Variants in CALN1 observed in about 807,000 individuals in gnomAD.
The protein encoded by CALN1 is calneuron 1.
Under a neutral mutation model 30.6 loss-of-function variants are expected in CALN1, and 17 were observed. The ratio of observed to expected loss-of-function variants is 0.56; its 90% CI spans 0.38 to 0.83. The LOEUF is 0.83. Among genes scored for constraint, CALN1 ranks in the 40% least tolerant of loss-of-function variants. CALN1 has a pLI of 0.00. For missense variants in CALN1, 291 were observed against 354.9 expected (o/e 0.82, Z 1.45); for synonymous variants, 156 against 131.4 (o/e 1.19, Z -1.28).
chr7:71,800,341 G>A (rs1787228584), intron 6 of CALN1, among the ~76,000 whole-genome samples: 1 of 152,128 alleles, frequency 6.6e-6, no homozygotes. Flanking sequence ...TTCCCCAGGG[G>A]GCTTCCTGGG....
In CALN1 at chr7:72,122,745, C is replaced by T. The variant is rs75878743; in HGVS notation, c.245-16451G>A. The stretch of plus-strand genomic sequence containing the variant: ...TGCCTCTAAGAAACAAGCAAACAAA[C>T]AAAGCTAAGTTTATCTTCGGATCAT... On this transcript the variant is annotated intron_variant, in intron 3 of 6. Transcript: ENST00000395275. Among the ~76,000 whole-genome samples the T allele has an allele frequency of 7.6e-3, 1,152 of 152,208 alleles. 12 individuals carry two copies. Among genetic ancestry groups the T allele is most frequent in the African/African-American group, 0.027 (1,124 of 41,516 alleles).
At chr7:72,090,700 G>C (rs1321654950) in intron 4 of CALN1, among the ~76,000 whole-genome samples, 1 of 152,156 alleles carries the variant, frequency 6.6e-6, no homozygotes, top group African/African-American at 2.4e-5. Context: ...TGGATGAATG[G>C]ATTTTTTAAA....
Position 71,860,092 on chromosome 7 carries a change from A to G in CALN1, c.502-49600T>C, listed in dbSNP as rs185374630. On this transcript the variant is annotated intron_variant, in intron 5 of 6. Transcript: ENST00000395275. ...CTTGTAGTAGAGCATATCTCCCAGG[A>G]TATTTTTGCTACCCTGTATAAACAA... Among the ~76,000 whole-genome samples, 1,173 of 152,090 alleles carry G rather than the reference A, an allele frequency of 7.7e-3. 11 individuals carry two copies. Among genetic ancestry groups the G allele is most frequent in the Non-Finnish European group, 0.013 (877 of 67,996 alleles).
chr7:72,256,939 G>A (rs1220070547), intron 3 of CALN1, among the ~76,000 whole-genome samples: 1 of 152,140 alleles, frequency 6.6e-6, no homozygotes, highest in Non-Finnish European at 1.5e-5. Context: ...CTCCTCCCAG[G>A]AGGTGGGTGA....
At chr7:72,189,129 A>G (rs895182832) in intron 3 of CALN1, among the ~76,000 whole-genome samples, 7 of 152,214 alleles carry the variant, frequency 4.6e-5, no homozygotes, top group African/African-American at 7.2e-5. Flanking sequence ...CCAGGTTAAA[A>G]ACATACGTGA....
At chr7:72,248,196 C>T (rs539675228) in intron 3 of CALN1, among the ~76,000 whole-genome samples, 1 of 152,302 alleles carries the variant, frequency 6.6e-6, no homozygotes, top group African/African-American at 2.4e-5. Context: ...CTCACTGCAA[C>T]TTCCACCTCA....
At chr7:71,900,050 A>G (rs775579598) in intron 5 of CALN1, among the ~76,000 whole-genome samples, 44 of 152,204 alleles carry the variant, frequency 2.9e-4, no homozygotes, top group Non-Finnish European at 5.6e-4. Context: ...TCTACTTTAA[A>G]TTTTTTAAAC....
At chr7:72,021,678 G>A (rs1470506579) in intron 5 of CALN1, among the ~76,000 whole-genome samples, 1 of 152,070 alleles carries the variant, frequency 6.6e-6, no homozygotes, top group Non-Finnish European at 1.5e-5. Context: ...ATGTCCTCTG[G>A]GACCAGGTCC....
At chr7:72,055,123 TAATCCTCACA>T (rs1176001626) in intron 4 of CALN1, among the ~76,000 whole-genome samples, 1 of 152,210 alleles carries the variant, frequency 6.6e-6, no homozygotes, top group Non-Finnish European at 1.5e-5. Flanking sequence ...TTAACTCATT[TAATCCTCACA>T]CCACACTAAC....
At chr7:72,021,003 G>C (rs1260143972) in intron 5 of CALN1, among the ~76,000 whole-genome samples, 1 of 152,158 alleles carries the variant, frequency 6.6e-6, no homozygotes, top group Non-Finnish European at 1.5e-5. Context: ...AGGTGCCATG[G>C]CTCACTCCTG....
At chr7:72,147,283 C>T (rs929415440) in intron 3 of CALN1, among the ~76,000 whole-genome samples, 3 of 151,846 alleles carry the variant, frequency 2.0e-5, no homozygotes, top group Non-Finnish European at 4.4e-5. Flanking sequence ...AAAAACACAA[C>T]CCCATCAACA....
intron 5 of CALN1, among the ~76,000 whole-genome samples, chr7:71,923,339 A>G (rs1237288366): frequency 1.3e-5 from 2 of 152,208 alleles, no homozygotes; most frequent in African/African-American, 4.8e-5. Flanking sequence ...AAAAACACAG[A>G]TATAATCAAC....
chr7:71,905,404 T>C (rs6958157), intron 5 of CALN1, among the ~76,000 whole-genome samples: 2 of 149,888 alleles, frequency 1.3e-5, no homozygotes, highest in African/African-American at 4.9e-5. Flanking sequence ...TTTATCTCTA[T>C]CCCCCCTCCT....
At chr7:72,267,674 T>C (rs913047532) in intron 3 of CALN1, among the ~76,000 whole-genome samples, 6 of 152,240 alleles carry the variant, frequency 3.9e-5, no homozygotes, top group Non-Finnish European at 8.8e-5. Flanking sequence ...CAAGGTTATT[T>C]AACTTCTGGA....
intron 5 of CALN1, among the ~76,000 whole-genome samples, chr7:72,004,206 C>G (rs936613804): frequency 6.6e-6 from 1 of 152,108 alleles, no homozygotes; most frequent in African/African-American, 2.4e-5. Context: ...TGAAACAGAA[C>G]AGAGAACCCA....
chr7:72,075,451 C>G (rs1412817277), intron 4 of CALN1, among the ~76,000 whole-genome samples: 1 of 152,206 alleles, frequency 6.6e-6, no homozygotes, highest in East Asian at 1.9e-4. Flanking sequence ...AACAAAGTCT[C>G]TATCTTTAGA....
At chr7:72,460,978 C>G in the CALN1 span, among the ~76,000 whole-genome samples, 161 of 152,278 alleles carry the variant, frequency 1.1e-3, no homozygotes, top group African/African-American at 3.8e-3. Flanking sequence ...GCAGAAACAG[C>G]ATGTTCCAAC....
intron 5 of CALN1, among the ~76,000 whole-genome samples, chr7:72,003,627 C>T (rs1298321108): frequency 6.6e-6 from 1 of 152,178 alleles, no homozygotes; most frequent in African/African-American, 2.4e-5. Context: ...AGGTTGTATG[C>T]TCCTTAGGAG....
At chr7:72,294,154 G>A (rs1006069177) in intron 2 of CALN1, among the ~76,000 whole-genome samples, 1 of 152,096 alleles carries the variant, frequency 6.6e-6, no homozygotes, top group African/African-American at 2.4e-5. Flanking sequence ...GATTCCTCCA[G>A]AAGCAACCAC....
Sources: allele counts gnomAD v4.1 joint callset (sites outside exome capture counted in the v4.1 genomes callset), GRCh38; gene constraint gnomAD v4.1.1; transcripts MANE v1.5; gene names NCBI Gene and HGNC (gene_info 2026-07-23, HGNC 2026-07-21).